Variants in TAMM41 observed in about 807,000 individuals in gnomAD.
TAMM41 encodes the protein TAM41 mitochondrial translocator assembly and maintenance homolog, also known as phosphatidate cytidylyltransferase, mitochondrial.
Under a neutral mutation model 44.1 loss-of-function variants are expected in TAMM41, and 36 were observed. That is an observed-to-expected ratio of 0.82 (90% CI 0.63 to 1.08). The LOEUF is 1.08. Ranked by LOEUF, TAMM41 falls within the 50% of genes least tolerant of loss-of-function variation. The pLI is 0.00. For missense variants in TAMM41, 417 were observed against 404.3 expected (o/e 1.03, Z -0.27); for synonymous variants, 164 against 153.1 (o/e 1.07, Z -0.53).
chr3:11,809,624 T>C lies in TAMM41; in HGVS notation c.767A>G (p.Gln256Arg), dbSNP rs781603342. 1 of 1,614,178 alleles carries C rather than the reference T, an allele frequency of 6.2e-7. No homozygotes were observed. The highest frequency in any genetic ancestry group is 8.5e-7 in the Non-Finnish European group (1 of 1,180,024). The change falls in exon 6 of 8, where the codon CAG (glutamine) becomes CGG (arginine). Residue 256 changes from glutamine to arginine, a missense_variant. By Grantham distance (43) the Gln-to-Arg change is conservative (BLOSUM62 1). Coordinates refer to ENST00000455809, the MANE Select transcript of TAMM41 (RefSeq NM_001284401.2). ...GTCCATAATATGATTTATCTGTTGCTGTAAGGTTTTGGGCAATGTCATCAG... is the reference window on the plus strand; with the variant it reads ...GTCCATAATATGATTTATCTGTTGCCGTAAGGTTTTGGGCAATGTCATCAG... ...TQLMTLPKTL[Q>R]QQINHIMDPP...
intron 5 of TAMM41, 107 bp downstream of exon 5, chr3:11,817,085 A>G: frequency 8.1e-7 from 1 of 1,229,540 alleles, no homozygotes. Context: ...CTTACTTTTT[A>G]AACTATAAAT....
chr3:11,820,179 A>T (rs892466771), intron 4 of TAMM41, among the ~76,000 whole-genome samples: 1 of 152,214 alleles, frequency 6.6e-6, no homozygotes, highest in Non-Finnish European at 1.5e-5. Context: ...CCTTACACGT[A>T]TAAAAATGGA....
At chr3:11,815,982 A>C (rs990254492) in intron 5 of TAMM41, among the ~76,000 whole-genome samples, 1 of 152,208 alleles carries the variant, frequency 6.6e-6, no homozygotes, top group Non-Finnish European at 1.5e-5. Flanking sequence ...AAAACAAAAA[A>C]CCTCAACCTG....
chr3:11,831,514 A>T lies in TAMM41; in HGVS notation c.412-1650T>A, dbSNP rs2078981636. On this transcript the variant is annotated intron_variant, in intron 3 of 7. Transcript: ENST00000455809. The stretch of plus-strand genomic sequence containing the variant: ...TCTAAAATATATCTACCATCTCTAA[A>T]TCTTTTGGTACTATCGACACATTTT... 1.3e-5 allele frequency among the ~76,000 whole-genome samples: 2 copies of T among 152,156 alleles called. 1 individual carries two copies. Among genetic ancestry groups the T allele is most frequent in the South Asian group, 4.1e-4 (2 of 4,832 alleles).
intron 7 of TAMM41, among the ~76,000 whole-genome samples, chr3:11,806,494 C>A (rs1376175753): frequency 6.6e-6 from 1 of 152,088 alleles, no homozygotes; most frequent in Non-Finnish European, 1.5e-5. Flanking sequence ...ATTATAAACA[C>A]TCAACAGAAG....
downstream of TAMM41, among the ~76,000 whole-genome samples, chr3:11,785,619 C>CCCA: frequency 6.8e-6 from 1 of 146,260 alleles, no homozygotes; most frequent in South Asian, 2.2e-4. Flanking sequence ...CCACCGTGCC[C>CCCA]AGCCTGTTTT....
chr3:11,783,863 A>T, the TAMM41 span, among the ~76,000 whole-genome samples: 9 of 152,278 alleles, frequency 5.9e-5, no homozygotes, highest in South Asian at 1.9e-3. Flanking sequence ...AAGGTACTTA[A>T]CCTCTTTGAG....
At position 11,829,865 on chromosome 3, in the gene TAMM41, C is replaced by T. The variant is rs1320882584; in HGVS notation, c.412-1G>A. On this transcript the variant is annotated splice_acceptor_variant, in intron 3 of 7. Coordinates refer to ENST00000455809, the MANE Select transcript of TAMM41 (RefSeq NM_001284401.2). LOFTEE classifies it high-confidence loss of function. ...CCTCGTTCACTGAGATAATTTTCACCTGAAAGAAGCAGAACATTGGGAAGA... is the reference window on the plus strand; with the variant it reads ...CCTCGTTCACTGAGATAATTTTCACTTGAAAGAAGCAGAACATTGGGAAGA... 1.2e-6 allele frequency: 2 copies of T among 1,613,762 alleles called. No individual in the cohort carries two copies. Among genetic ancestry groups the T allele is most frequent in the Non-Finnish European group, 1.7e-6 (2 of 1,179,926 alleles).
chr3:11,725,233 CTCCTTCTCCTCCCCCTCCTCCTTCTCCTT>C, the TAMM41 span, among the ~76,000 whole-genome samples: 1 of 135,546 alleles, frequency 7.4e-6, no homozygotes, highest in East Asian at 2.2e-4. Flanking sequence ...TCTCCTCCTT[CTCCTTCTCCTCCCCCTCCTCCTTCTCCTT>C]TTCTTCCTCC....
the TAMM41 span, among the ~76,000 whole-genome samples, chr3:11,736,548 G>A: frequency 3.3e-5 from 5 of 152,258 alleles, no homozygotes; most frequent in East Asian, 9.7e-4. Flanking sequence ...CTCCTGATAG[G>A]CCCACTGTAG....
At chr3:11,793,059 C>CAAAAAAAAAAAAAAAAAA (rs61264653) in intron 7 of TAMM41, among the ~76,000 whole-genome samples, 1 of 65,120 alleles carries the variant, frequency 1.5e-5, no homozygotes, top group African/African-American at 6.7e-5. Flanking sequence ...GGCCCCATCT[C>CAAAAAAAAAAAAAAAAAA]AAAAAAAAAA....
intron 7 of TAMM41, among the ~76,000 whole-genome samples, chr3:11,804,526 C>A (rs1269829375): frequency 1.3e-5 from 2 of 152,164 alleles, no homozygotes; most frequent in Non-Finnish European, 2.9e-5. Context: ...ATTGTCACAA[C>A]TGAAAAATAA....
chr3:11,843,640 C>G (rs565480529), intron 2 of TAMM41: 2 of 158,734 alleles, frequency 1.3e-5, no homozygotes, highest in Non-Finnish European at 1.4e-5. Context: ...CACTTGAACC[C>G]GTGAGGCGGA....
the TAMM41 span, among the ~76,000 whole-genome samples, chr3:11,729,538 C>CTTTTTTTTTTTTTTTTTT: frequency 5.5e-4 from 36 of 65,542 alleles, 8 homozygotes; most frequent in African/African-American, 1.7e-3. Context: ...TTCTTTCTTT[C>CTTTTTTTTTTTTTTTTTT]ATTTTTTTTT....
intron 6 of TAMM41, chr3:11,809,288 A>G (rs1212814709): frequency 1.5e-5 from 8 of 542,340 alleles, no homozygotes; most frequent in Non-Finnish European, 2.2e-5. Flanking sequence ...TCCCTTTGAC[A>G]GTGATTTAGG....
the TAMM41 span, among the ~76,000 whole-genome samples, chr3:11,729,568 T>A: frequency 1.1e-5 from 1 of 93,596 alleles, no homozygotes; most frequent in Non-Finnish European, 2.1e-5. Flanking sequence ...TTTTTTTTTT[T>A]TTTTTTTTAT....
chr3:11,809,783 T>C (rs1009349634), intron 5 of TAMM41, 101 bp from the exon 6 acceptor site: 3 of 1,210,920 alleles, frequency 2.5e-6, no homozygotes, highest in Admixed American at 2.4e-5. Flanking sequence ...CAAACATATA[T>C]GCACCCACAC....
chr3:11,729,539 A>AT, the TAMM41 span, among the ~76,000 whole-genome samples: 212 of 32,290 alleles, frequency 6.6e-3, 51 homozygotes, highest in Non-Finnish European at 0.011. Flanking sequence ...TCTTTCTTTC[A>AT]TTTTTTTTTT....
At chr3:11,723,595 A>C in the TAMM41 span, among the ~76,000 whole-genome samples, 1 of 149,008 alleles carries the variant, frequency 6.7e-6, no homozygotes, top group Admixed American at 6.7e-5. Context: ...AAAAAAAAAA[A>C]CAAAAACAAA....
Sources: allele counts gnomAD v4.1 joint callset (sites outside exome capture counted in the v4.1 genomes callset), GRCh38; gene constraint gnomAD v4.1.1; transcripts MANE v1.5; gene names NCBI Gene and HGNC (gene_info 2026-07-23, HGNC 2026-07-21).